Variants in HS6ST2 observed in about 807,000 individuals in gnomAD.
HS6ST2 encodes the protein heparan sulfate 6-O-sulfotransferase 2, also known as heparan-sulfate 6-O-sulfotransferase 2.
A neutral mutation model predicts 33.0 loss-of-function variants in HS6ST2; 17 were observed. The ratio of observed to expected loss-of-function variants is 0.52; its 90% CI spans 0.35 to 0.77. The LOEUF (loss-of-function observed/expected upper bound fraction) is 0.77, where lower values mean the gene tolerates loss of function less well. HS6ST2 is among the 30% of genes least tolerant of loss of function. The pLI is 0.01. For synonymous variants in HS6ST2, 248 were observed against 237.1 expected, an observed-to-expected ratio of 1.05 and a Z score of -0.42; for missense variants, 519 against 551.7, an observed-to-expected ratio of 0.94 and a Z score of 0.59.
At chrX:132,909,371 A>C (rs2066509916) in intron 2 of HS6ST2, among the ~76,000 whole-genome samples, 1 of 111,832 alleles carries the variant, frequency 8.9e-6, no homozygotes, top group South Asian at 3.8e-4. Flanking sequence ...CTCCACACGG[A>C]TTCAATTTAC....
At chrX:132,710,725 G>GA (rs1237147608) in intron 2 of HS6ST2, among the ~76,000 whole-genome samples, 3 of 111,721 alleles carry the variant, frequency 2.7e-5, no homozygotes, top group African/African-American at 9.8e-5. Context: ...TCTCCTTGTG[G>GA]AAAGCCCTCC....
chrX:132,831,274 T>C (rs761239231), intron 2 of HS6ST2, among the ~76,000 whole-genome samples: 1 of 111,415 alleles, frequency 9.0e-6, no homozygotes, highest in East Asian at 2.8e-4. Context: ...GATGTTATTA[T>C]ATAGGCAGAA....
chrX:132,907,844 T>C (rs2066489135), intron 2 of HS6ST2, among the ~76,000 whole-genome samples: 1 of 112,212 alleles, frequency 8.9e-6, no homozygotes, highest in African/African-American at 3.2e-5. Context: ...CAGTTGTAAA[T>C]CTTCATGTCC....
intron 2 of HS6ST2, among the ~76,000 whole-genome samples, chrX:132,763,195 G>A (rs1027600024): frequency 8.9e-6 from 1 of 112,087 alleles, no homozygotes; most frequent in Admixed American, 9.5e-5. Flanking sequence ...GCCTTGAAGA[G>A]TGGCTTGTGG....
intron 2 of HS6ST2, among the ~76,000 whole-genome samples, chrX:132,774,476 ACCTTAT>A (rs2064936784): frequency 9.0e-6 from 1 of 111,697 alleles, no homozygotes; most frequent in Non-Finnish European, 1.9e-5. Flanking sequence ...ATGCAGAGAG[ACCTTAT>A]CTATCTGGGG....
chrX:132,807,332 A>G (rs188731318), intron 2 of HS6ST2, among the ~76,000 whole-genome samples: 8 of 110,808 alleles, frequency 7.2e-5, no homozygotes, highest in African/African-American at 2.6e-4. Context: ...ATTCACTTAA[A>G]ATTTAAAGAG....
chrX:132,742,463 C>A (rs1356611724), intron 2 of HS6ST2, among the ~76,000 whole-genome samples: 2 of 111,456 alleles, frequency 1.8e-5, no homozygotes, highest in Non-Finnish European at 3.8e-5. Flanking sequence ...GGGCTCCTCC[C>A]ACTGTGTACC....
At chrX:132,816,093 G>T (rs752178394) in intron 2 of HS6ST2, among the ~76,000 whole-genome samples, 1 of 111,841 alleles carries the variant, frequency 8.9e-6, no homozygotes, top group Non-Finnish European at 1.9e-5. Context: ...ATGAACAGTT[G>T]TACTACAGGG....
chrX:132,747,412 G>A (rs1369378445), intron 2 of HS6ST2, among the ~76,000 whole-genome samples: 1 of 112,032 alleles, frequency 8.9e-6, no homozygotes, highest in Non-Finnish European at 1.9e-5. Flanking sequence ...ACCTAAGGGA[G>A]GAGAGCAGCA....
At chrX:132,818,818 T>A (rs987355449) in intron 2 of HS6ST2, among the ~76,000 whole-genome samples, 2 of 111,889 alleles carry the variant, frequency 1.8e-5, no homozygotes, top group African/African-American at 6.5e-5. Context: ...TCTCACCATA[T>A]CCTTTGTCAT....
intron 2 of HS6ST2, among the ~76,000 whole-genome samples, chrX:132,743,277 G>T (rs111322281): frequency 0.035 from 3,900 of 112,014 alleles, 107 homozygotes; most frequent in African/African-American, 0.093. Context: ...GGACCTTGGG[G>T]CTTTCATTGA....
At chrX:132,771,029 C>T (rs1024934286) in intron 2 of HS6ST2, among the ~76,000 whole-genome samples, 1 of 111,309 alleles carries the variant, frequency 9.0e-6, no homozygotes. Context: ...GGTCATAATA[C>T]GATGTATGGT....
chrX:132,920,136 A>G, intron 2 of HS6ST2, among the ~76,000 whole-genome samples: 1 of 111,543 alleles, frequency 9.0e-6, no homozygotes, highest in Middle Eastern at 4.6e-3. Flanking sequence ...AGTAAAAATT[A>G]AAAATTTCTG....
chrX:132,910,920 C>T (rs749127038), intron 2 of HS6ST2, among the ~76,000 whole-genome samples: 29 of 111,173 alleles, frequency 2.6e-4, no homozygotes, highest in African/African-American at 9.5e-4. Context: ...GAGGCCGAGG[C>T]GGGTGGTTCA....
At chrX:132,721,852 G>GAGGAAAA (rs1439531553) in intron 2 of HS6ST2, among the ~76,000 whole-genome samples, 1 of 111,391 alleles carries the variant, frequency 9.0e-6, no homozygotes, top group Non-Finnish European at 1.9e-5. Context: ...TTGCAAAAAA[G>GAGGAAAA]AGGAAAAACT....
chrX:132,823,556 C>G (rs2065481694), intron 2 of HS6ST2, among the ~76,000 whole-genome samples: 1 of 109,629 alleles, frequency 9.1e-6, no homozygotes, highest in South Asian at 4.0e-4. Context: ...TGTTACTTCA[C>G]TTAGAATAAT....
intron 2 of HS6ST2, among the ~76,000 whole-genome samples, chrX:132,861,078 C>CCA (rs955054789): frequency 9.0e-5 from 10 of 111,132 alleles, no homozygotes; most frequent in Non-Finnish European, 1.7e-4. Flanking sequence ...CAGGCATGAG[C>CCA]CACCACCTGG....
chrX:132,830,926 C>T (rs2065583355), intron 2 of HS6ST2, among the ~76,000 whole-genome samples: 1 of 111,788 alleles, frequency 8.9e-6, no homozygotes, highest in Admixed American at 9.6e-5. Context: ...TCCACATGTA[C>T]CTTTCTGCTA....
chrX:132,926,262 T>C (rs1174659485), intron 2 of HS6ST2, among the ~76,000 whole-genome samples: 1 of 112,645 alleles, frequency 8.9e-6, no homozygotes, highest in Non-Finnish European at 1.9e-5. Flanking sequence ...ACACACTTCA[T>C]GACAAGAAGG....
Sources: gnomAD v4.1 joint callset for allele counts (sites outside exome capture counted in the v4.1 genomes callset) on GRCh38, gnomAD v4.1.1 for gene constraint, MANE v1.5 for transcripts, NCBI Gene and HGNC (gene_info 2026-07-23, HGNC 2026-07-21) for gene names.